Variants in SNRPA1 observed in about 807,000 individuals in gnomAD.
SNRPA1 encodes the protein U2 small nuclear ribonucleoprotein A'.
SNRPA1 carries 5 observed loss-of-function variants against 32.3 expected under a neutral mutation model. The observed-to-expected ratio is 0.15, with a 90% CI of 0.08 to 0.33. The LOEUF is 0.33. Among genes scored for constraint, SNRPA1 ranks in the 10% least tolerant of loss-of-function variants. SNRPA1 has a pLI of 1.00. For missense variants in SNRPA1, 198 were observed against 311.1 expected (o/e 0.64, Z 2.74); for synonymous variants, 111 against 120.1 (o/e 0.92, Z 0.50).
intron 3 of SNRPA1, among the ~76,000 whole-genome samples, chr15:101,289,349 G>C (rs953422022): frequency 6.6e-6 from 1 of 152,132 alleles, no homozygotes; most frequent in African/African-American, 2.4e-5. Flanking sequence ...ATGGTACAGT[G>C]ATCTTAACAT....
At chr15:101,291,096 G>C (rs909870243) in intron 3 of SNRPA1, among the ~76,000 whole-genome samples, 1 of 151,976 alleles carries the variant, frequency 6.6e-6, no homozygotes, top group African/African-American at 2.4e-5. Context: ...GCCCAGGCTG[G>C]TCTAGAACTC....
intron 1 of SNRPA1, among the ~76,000 whole-genome samples, chr15:101,294,380 G>A (rs1009446306): frequency 3.9e-5 from 6 of 152,236 alleles, no homozygotes; most frequent in Non-Finnish European, 7.3e-5. Context: ...CCTCAGAGAA[G>A]TTGCTCTATC....
In SNRPA1 at chr15:101,292,131, C is replaced by G. The variant is rs147379957; in HGVS notation, c.231-91G>C. 2.5e-3 allele frequency: 2,162 copies of G among 853,484 alleles called. 5 individuals are homozygous for G. Among genetic ancestry groups the G allele is most frequent in the Middle Eastern group, 7.1e-3 (31 of 4,368 alleles). 52.9% of individuals were successfully genotyped at this position (853,484 alleles called of 1,614,324 possible). ...TTGCTCAGAGGATCACAGAGAGACA[C>G]TTAGAGATCCTTCTTCCAACACCCT... On this transcript the variant is annotated intron_variant, in intron 2 of 8. Coordinates refer to ENST00000254193, the MANE Select transcript of SNRPA1 (RefSeq NM_003090.4).
Position 101,290,639 on chromosome 15 carries a change from A to G in SNRPA1, c.309+1323T>C, listed in dbSNP as rs184371852. ...CAGACTGGAGTACAGAGACATGATC[A>G]TGTCTCACTGCAGCCTCGACTGATG... On this transcript the variant is annotated intron_variant, in intron 3 of 8. Coordinates refer to ENST00000254193, the MANE Select transcript of SNRPA1 (RefSeq NM_003090.4). Among the ~76,000 whole-genome samples, 179 of 151,166 alleles carry G rather than the reference A, an allele frequency of 1.2e-3. 1 individual carries two copies. The highest frequency in any genetic ancestry group is 4.1e-3 in the African/African-American group (167 of 40,938).
At chr15:101,292,870 T>A (rs996717904) in intron 2 of SNRPA1, 155 bp downstream of exon 2, 6 of 463,610 alleles carry the variant, frequency 1.3e-5, no homozygotes, top group Non-Finnish European at 2.2e-5. Flanking sequence ...GCTTCCATTA[T>A]GGAAAAAATA....
At chr15:101,286,786 C>T in intron 5 of SNRPA1, 122 bp downstream of exon 5, 1 of 615,818 alleles carries the variant, frequency 1.6e-6, no homozygotes, top group Admixed American at 2.8e-5. Context: ...TTTTCCCTCC[C>T]ACTTTTATTA....
chr15:101,292,983 T>A, intron 2 of SNRPA1, 42 bp downstream of exon 2: 1 of 1,456,322 alleles, frequency 6.9e-7, no homozygotes, highest in South Asian at 1.4e-5. Flanking sequence ...ACTGCAACAT[T>A]TACTCTAGGG....
chr15:101,295,226 G>GCCAGCGAGACGTC lies in SNRPA1; in HGVS notation c.-61_-49dup. ...CGCTGTGGAAAGCCCGTGGCCTCCC[G>GCCAGCGAGACGTC]CCAGCGAGACGTCCCAGCGTGCCCC... On this transcript the variant is annotated 5_prime_UTR_variant, in exon 1 of 9. Coordinates refer to ENST00000254193, the MANE Select transcript of SNRPA1 (RefSeq NM_003090.4). The GCCAGCGAGACGTC allele has an allele frequency of 2.8e-6, 4 of 1,453,320 alleles. No individual in the cohort carries two copies. The highest frequency in any genetic ancestry group is 3.7e-6 in the Non-Finnish European group (4 of 1,094,606). The allele number at this position is 1,453,320 out of a possible 1,614,324, so 90.0% of individuals were successfully genotyped here.
chr15:101,286,378 C>T (rs139044002), intron 5 of SNRPA1, 85 bp from the exon 6 acceptor site: 106 of 1,236,082 alleles, frequency 8.6e-5, no homozygotes, highest in Admixed American at 5.7e-4. Flanking sequence ...TGGAAGCGAA[C>T]TCTCCTACAG....
intron 3 of SNRPA1, among the ~76,000 whole-genome samples, chr15:101,288,946 G>C (rs988099609): frequency 1.3e-5 from 2 of 152,176 alleles, no homozygotes; most frequent in African/African-American, 4.8e-5. Flanking sequence ...AGAAACTGCT[G>C]GAACAGGCGC....
intron 4 of SNRPA1, among the ~76,000 whole-genome samples, chr15:101,287,405 A>G (rs1282324363): frequency 1.3e-5 from 2 of 151,912 alleles, no homozygotes; most frequent in Non-Finnish European, 2.9e-5. Context: ...TCATTGTTCA[A>G]TTCTCACCTA....
At chr15:101,287,382 T>C (rs1196921432) in intron 4 of SNRPA1, among the ~76,000 whole-genome samples, 1 of 152,070 alleles carries the variant, frequency 6.6e-6, no homozygotes, top group Non-Finnish European at 1.5e-5. Context: ...CCCCTTCCTG[T>C]GTCCAAGTGT....
chr15:101,292,160 A>G (rs2039533142), intron 2 of SNRPA1, 120 bp from the exon 3 acceptor site: 2 of 704,598 alleles, frequency 2.8e-6, no homozygotes, highest in African/African-American at 1.8e-5. Context: ...ACACCCTGAT[A>G]AAGAGGAAAC....
At chr15:101,294,525 C>G (rs1286450232) in intron 1 of SNRPA1, among the ~76,000 whole-genome samples, 1 of 152,208 alleles carries the variant, frequency 6.6e-6, no homozygotes, top group Non-Finnish European at 1.5e-5. Context: ...ACACACAGCA[C>G]CCGGCGGTGC....
intron 8 of SNRPA1, 157 bp downstream of exon 8, chr15:101,284,810 A>G: frequency 1.6e-6 from 1 of 623,920 alleles, no homozygotes; most frequent in South Asian, 1.6e-5. Flanking sequence ...CCCATCAAAT[A>G]CTTTATCTTC....
chr15:101,290,574 ATT>A (rs58641401), intron 3 of SNRPA1, among the ~76,000 whole-genome samples: 4 of 142,376 alleles, frequency 2.8e-5, no homozygotes. Context: ...AAGTTATACG[ATT>A]TTTTTTTTTT....
At chr15:101,284,207 T>C (rs2039429007) in intron 8 of SNRPA1, among the ~76,000 whole-genome samples, 1 of 152,058 alleles carries the variant, frequency 6.6e-6, no homozygotes, top group African/African-American at 2.4e-5. Context: ...TCTCTCAGCC[T>C]CTCGGCAACC....
intron 8 of SNRPA1, among the ~76,000 whole-genome samples, chr15:101,283,447 T>G (rs1196402348): frequency 4.6e-5 from 7 of 150,854 alleles, no homozygotes; most frequent in Non-Finnish European, 1.0e-4. Context: ...GCGCCTGTAG[T>G]CCCAGCTACT....
chr15:101,287,582 C>T (rs1231226372), intron 4 of SNRPA1, 74 bp downstream of exon 4: 1 of 1,261,720 alleles, frequency 7.9e-7, no homozygotes, highest in East Asian at 2.3e-5. Flanking sequence ...TATCTGATTA[C>T]ATTAAGGTCA....
Sources: gnomAD v4.1 joint callset for allele counts (sites outside exome capture counted in the v4.1 genomes callset) on GRCh38, gnomAD v4.1.1 for gene constraint, MANE v1.5 for transcripts, NCBI Gene and HGNC (gene_info 2026-07-23, HGNC 2026-07-21) for gene names.